Variants in DNAH9 observed in about 807,000 individuals in gnomAD.
DNAH9 encodes dynein axonemal heavy chain 9, also known as DNAH9 variant protein.
A neutral mutation model predicts 471.6 loss-of-function variants in DNAH9; 345 were observed. The ratio of observed to expected loss-of-function variants is 0.73; its 90% CI spans 0.67 to 0.80. The LOEUF (loss-of-function observed/expected upper bound fraction) is 0.80. Ranked by LOEUF, DNAH9 falls within the 30% of genes least tolerant of loss-of-function variation. The pLI is 0.00. For synonymous variants in DNAH9, 2,093 were observed against 2,123.6 expected (o/e 0.99, Z 0.40); for missense variants, 5,407 against 5,609.2 (o/e 0.96, Z 1.15).
chr17:11,868,384 G>A (rs1972137304), intron 50 of DNAH9, among the ~76,000 whole-genome samples: 1 of 152,174 alleles, frequency 6.6e-6, no homozygotes. Context: ...GGTATCTGCT[G>A]TGTGTCCATG....
chr17:11,803,062 T>C lies in DNAH9; in HGVS notation c.8421-4670T>C, dbSNP rs566204143. 3.3e-5 allele frequency among the ~76,000 whole-genome samples: 5 copies of C among 152,356 alleles called. No individual in the cohort carries two copies. The East Asian group carries it at 9.7e-4, about 29-fold the overall frequency. ...TGCATCGTAGGGTTGTTGCTATCTATGCAAAGTGCTTTGCAGTCAGTAAAT... is the reference window on the plus strand; with the variant it reads ...TGCATCGTAGGGTTGTTGCTATCTACGCAAAGTGCTTTGCAGTCAGTAAAT... On this transcript the variant is annotated intron_variant, in intron 43 of 68. Transcript: ENST00000262442.
chr17:11,763,419 C>T (rs543374317), intron 35 of DNAH9, 21 bp from the exon 36 acceptor site: 1 of 1,608,894 alleles, frequency 6.2e-7, no homozygotes, highest in Middle Eastern at 1.7e-4. Context: ...GTTTCAGATC[C>T]CCTCGGGTCT....
At chr17:11,878,760 G>A (rs1972606195) in intron 53 of DNAH9, among the ~76,000 whole-genome samples, 2 of 152,002 alleles carry the variant, frequency 1.3e-5, no homozygotes, top group Non-Finnish European at 2.9e-5. Flanking sequence ...TCACCATATT[G>A]CCCAGGCTGG....
At position 11,937,329 on chromosome 17, in the gene DNAH9, G is replaced by A; in HGVS notation, c.12490-23G>A. ...GAGGTACGTCCTGGTTTCTTTTTAA[G>A]TGAGCTTGCCCTTGATTTTCAGTAC... On this transcript the variant is annotated intron_variant, in intron 65 of 68. Coordinates refer to ENST00000262442, the MANE Select transcript of DNAH9 (RefSeq NM_001372.4). This position sits in a 1 kb window ranked among gnomAD's most constrained non-coding sequence, Gnocchi z 4.1. The A allele has an allele frequency of 6.3e-7, 1 of 1,587,798 alleles. No homozygotes were observed.
At position 11,954,769 on chromosome 17, in the gene DNAH9, TAAAAAA is replaced by T. The variant is rs34740871; in HGVS notation, c.12844-7084_12844-7079del. Among the ~76,000 whole-genome samples, 3 of 118,728 alleles carry T rather than the reference TAAAAAA, an allele frequency of 2.5e-5. No homozygotes were observed. The East Asian group carries it at 7.5e-4, about 30-fold the overall frequency. 77.9% of individuals were successfully genotyped at this position (118,728 alleles called of 152,430 possible). A position where few individuals can be genotyped will look rare whatever the true frequency, so the allele number is the denominator to read the frequency against. ...TGGGCAACACGGCAAGACTTCGTCT[TAAAAAA>T]AAAAAAAAAAAAAGAGAGAGAAAGA... On this transcript the variant is annotated intron_variant, in intron 67 of 68. Transcript: ENST00000262442.
intron 49 of DNAH9, among the ~76,000 whole-genome samples, chr17:11,836,734 A>G (rs1262111222): frequency 6.6e-6 from 1 of 152,200 alleles, no homozygotes; most frequent in African/African-American, 2.4e-5. Flanking sequence ...TTCCAGATCC[A>G]TGCCTTCTGT....
At chr17:11,846,609 C>T (rs1465444393) in intron 49 of DNAH9, among the ~76,000 whole-genome samples, 2 of 144,676 alleles carry the variant, frequency 1.4e-5, no homozygotes, top group Admixed American at 7.0e-5. Flanking sequence ...TGGCCATTTT[C>T]ACGATATTGA....
rs767802687 is a variant in DNAH9 at position 11,923,807 on chromosome 17, C to A, written c.11750-7C>A. 6.2e-7 allele frequency: 1 copy of A among 1,613,556 alleles called. No individual in the cohort carries two copies. Among genetic ancestry groups the A allele is most frequent in the Admixed American group, 1.7e-5 (1 of 59,956 alleles). On this transcript the variant is annotated splice_region_variant and splice_polypyrimidine_tract_variant and intron_variant, in intron 61 of 68. Transcript: ENST00000262442. ...AAATAATAATGACGCCTCCATCCTCCTTTTAGGAAGAAAACTTGGATACAC... is the reference window on the plus strand; with the variant it reads ...AAATAATAATGACGCCTCCATCCTCATTTTAGGAAGAAAACTTGGATACAC...
chr17:11,823,152 G>A (rs759766877), intron 48 of DNAH9, 118 bp downstream of exon 48: 188 of 837,526 alleles, frequency 2.2e-4, no homozygotes, highest in Non-Finnish European at 3.2e-4. Flanking sequence ...GTTTTCCAGA[G>A]ACTCCCATGT....
Position 11,930,049 on chromosome 17 carries a change from G to A in DNAH9, c.12061G>A (p.Gly4021Ser). The change falls in exon 63 of 69, where the codon GGC becomes AGC. Residue 4021 changes from glycine to serine, a missense_variant. Physicochemically the swap from Gly to Ser is moderately conservative, Grantham distance 56 (BLOSUM62 0). Transcript: ENST00000262442. ...TAAGATCACCAATGAGCCCCCCACG[G>A]GCATGCATGCCAACCTGCACAAGGC... ...SIKITNEPPTGMHANLHKALD... is the reference protein window; with the variant it reads ...SIKITNEPPTSMHANLHKALD... 6.2e-7 allele frequency: 1 copy of A among 1,614,064 alleles called. No homozygotes were observed. The highest frequency in any genetic ancestry group is 8.5e-7 in the Non-Finnish European group (1 of 1,180,002).
At chr17:11,643,112 A>G (rs929927505) in intron 10 of DNAH9, among the ~76,000 whole-genome samples, 1 of 152,240 alleles carries the variant, frequency 6.6e-6, no homozygotes, top group Non-Finnish European at 1.5e-5. Flanking sequence ...AGAATTAAAG[A>G]TACTTCACCA....
chr17:11,680,891 T>C lies in DNAH9; in HGVS notation c.3743+2T>C. ...ATTCCACAAAGAAGCCCCGTTCAGG[T>C]ATGGGCCGAACACTGCTGCCTCTCT... is the stretch of plus-strand genomic sequence containing the variant. On this transcript the variant is annotated splice_donor_variant, in intron 19 of 68. Coordinates refer to ENST00000262442, the MANE Select transcript of DNAH9 (RefSeq NM_001372.4). LOFTEE classifies it high-confidence loss of function. The C allele has an allele frequency of 6.2e-7, 1 of 1,607,478 alleles. No homozygotes were observed. The highest frequency in any genetic ancestry group is 1.7e-5 in the Admixed American group (1 of 59,398).
chr17:11,706,729 C>T lies in DNAH9; in HGVS notation c.5552+1544C>T, dbSNP rs549613164. On this transcript the variant is annotated intron_variant, in intron 26 of 68. Coordinates refer to ENST00000262442, the MANE Select transcript of DNAH9 (RefSeq NM_001372.4). ...GAAATTGTATAGAAATCTGTTCACA[C>T]GTAACTTTTTTCTATTAAGAGGATA... 1.8e-4 allele frequency among the ~76,000 whole-genome samples: 27 copies of T among 152,244 alleles called. 1 individual carries two copies. The highest frequency in any genetic ancestry group is 4.1e-4 in the South Asian group (2 of 4,826).
intron 28 of DNAH9, among the ~76,000 whole-genome samples, chr17:11,734,851 TGAGA>T (rs1422031321): frequency 2.0e-5 from 3 of 152,196 alleles, no homozygotes; most frequent in Non-Finnish European, 4.4e-5. Flanking sequence ...CCCTCCCGTC[TGAGA>T]GAGGGAGGTC....
chr17:11,646,215 C>T (rs2073387179), intron 11 of DNAH9, among the ~76,000 whole-genome samples: 2 of 151,654 alleles, frequency 1.3e-5, no homozygotes, highest in South Asian at 4.2e-4. Context: ...GACGGGGTTT[C>T]TCCATGTTGG....
rs2072311444 is a variant in DNAH9, at chr17:11,598,637, G to A, written c.139G>A (p.Ala47Thr). Residue 47 changes from alanine to threonine, a missense_variant, in exon 1 of 69, where the codon GCG (alanine) becomes ACG (threonine). Coordinates refer to ENST00000262442, the MANE Select transcript of DNAH9 (RefSeq NM_001372.4). ...GGCTGCGGGCGCCTGGGAGCGTTGC[G>A]CGGGGAGTGCTGAGGCGGAGCAGCT... ...RPAAGAWERC[A>T]GSAEAEQLLQ... 3.0e-6 allele frequency: 4 copies of A among 1,344,240 alleles called. No homozygotes were observed. Among genetic ancestry groups the A allele is most frequent in the Admixed American group, 8.1e-5 (2 of 24,602 alleles). 83.3% of individuals were successfully genotyped at this position (1,344,240 alleles called of 1,614,324 possible). A position where few individuals can be genotyped will look rare whatever the true frequency, so the allele number is the denominator to read the frequency against.
At position 11,757,643 on chromosome 17, in the gene DNAH9, A is replaced by G. The variant is rs143306631; in HGVS notation, c.6946A>G (p.Ile2316Val). 1,291 of 1,614,074 alleles carry G rather than the reference A, an allele frequency of 8.0e-4. 13 individuals carry two copies. The African/African-American group carries it at 0.015, about 19-fold the overall frequency. Residue 2316 changes from isoleucine to valine, a missense_variant, in exon 35 of 69, where the codon ATT becomes GTT. Ile to Val is a conservative substitution (Grantham distance 29, BLOSUM62 3). This residue lies in a region of DNAH9 where 4,636 missense variants were observed against 4,900.3 expected (regional missense o/e 0.95). Coordinates refer to ENST00000262442, the MANE Select transcript of DNAH9 (RefSeq NM_001372.4). ...CCAGACAGAGAGAGCCAACTTAACC[A>G]TTTTGTTCGACAAGTATCTTCCAAC... ...EIQTERANLTILFDKYLPTCL... is the reference protein window; with the variant it reads ...EIQTERANLTVLFDKYLPTCL...
At chr17:11,655,202 A>G (rs2073614669) in intron 14 of DNAH9, among the ~76,000 whole-genome samples, 2 of 151,820 alleles carry the variant, frequency 1.3e-5, no homozygotes, top group Admixed American at 6.6e-5. Flanking sequence ...TTGCCTCCTC[A>G]TAGTTTAGCT....
rs758785495 is a variant in DNAH9 at position 11,969,373 on chromosome 17, C to T, written c.13307C>T (p.Pro4436Leu). 25 of 1,614,058 alleles carry T rather than the reference C, an allele frequency of 1.5e-5. No individual in the cohort carries two copies. The Middle Eastern group carries it at 5.0e-4, about 32-fold the overall frequency. Residue 4436 changes from proline (P) to leucine (L), a missense_variant, in exon 69 of 69, where the codon CCT becomes CTT. Pro to Leu is a moderately conservative substitution (Grantham distance 98). This residue lies in a region of DNAH9 where 4,636 missense variants were observed against 4,900.3 expected (regional missense o/e 0.95). Coordinates refer to ENST00000262442, the MANE Select transcript of DNAH9 (RefSeq NM_001372.4). ...CCTGTGATGTTCATCAAGGCCATTC[C>T]TGCAGATAAGCAGGACTGCCGCAGT... ...PMPVMFIKAI[P>L]ADKQDCRSVY...
Sources: gnomAD v4.1 joint callset for allele counts (sites outside exome capture counted in the v4.1 genomes callset) on GRCh38, gnomAD v4.1.1 for gene constraint, gnomAD v4.1.1 regional missense constraint, Gnocchi (gnomAD v3.1) non-coding constraint, MANE v1.5 for transcripts, NCBI Gene and HGNC (gene_info 2026-07-23, HGNC 2026-07-21) for gene names.